Variants in HECW2 observed in about 807,000 individuals in gnomAD.
The protein encoded by HECW2 is HECT, C2 and WW domain containing E3 ubiquitin protein ligase 2.
A neutral mutation model predicts 175.2 loss-of-function variants in HECW2; 61 were observed. That is an observed-to-expected ratio of 0.35 (90% CI 0.28 to 0.43). The LOEUF (loss-of-function observed/expected upper bound fraction) is 0.43, where lower values mean the gene tolerates loss of function less well. Ranked by LOEUF, HECW2 falls within the 20% of genes least tolerant of loss-of-function variation. The pLI is 1.00. For missense variants in HECW2, 1,524 were observed against 2,000.5 expected (o/e 0.76, Z 4.54); for synonymous variants, 671 against 731.0 (o/e 0.92, Z 1.32).
intron 3 of HECW2, among the ~76,000 whole-genome samples, chr2:196,342,097 T>TA (rs1399391211): frequency 1.3e-5 from 2 of 149,948 alleles, no homozygotes; most frequent in Admixed American, 6.6e-5. Context: ...AAAAAGCCCA[T>TA]TTTTTTTTCT....
intron 2 of HECW2, among the ~76,000 whole-genome samples, chr2:196,372,412 G>C (rs954688824): frequency 6.6e-6 from 1 of 152,244 alleles, no homozygotes; most frequent in East Asian, 1.9e-4. Context: ...CTGCTTCCTG[G>C]TTGATAATAT....
chr2:196,462,147 A>C (rs1396990048), intron 1 of HECW2, among the ~76,000 whole-genome samples: 1 of 152,124 alleles, frequency 6.6e-6, no homozygotes, highest in Non-Finnish European at 1.5e-5. Flanking sequence ...GAAAGGCAAA[A>C]ATTTTATAAA....
chr2:196,516,997 T>G (rs1688174560), intron 1 of HECW2, among the ~76,000 whole-genome samples: 1 of 152,206 alleles, frequency 6.6e-6, no homozygotes, highest in Admixed American at 6.5e-5. Context: ...AAATCTGTTT[T>G]ATAGGTCTAG....
chr2:196,590,203 A>T (rs1347018955), intron 1 of HECW2, among the ~76,000 whole-genome samples: 1 of 152,140 alleles, frequency 6.6e-6, no homozygotes, highest in Non-Finnish European at 1.5e-5. Context: ...GGTGCTTTTG[A>T]TAATTAAGAT....
At chr2:196,398,026 G>C (rs1575500036) in intron 2 of HECW2, among the ~76,000 whole-genome samples, 1 of 151,770 alleles carries the variant, frequency 6.6e-6, no homozygotes, top group East Asian at 1.9e-4. Context: ...TTTATAATAA[G>C]AGGTAGGTGG....
intron 1 of HECW2, among the ~76,000 whole-genome samples, chr2:196,541,270 A>T (rs1166616289): frequency 6.6e-6 from 1 of 152,120 alleles, no homozygotes; most frequent in Admixed American, 6.5e-5. Flanking sequence ...ATAATTATGT[A>T]ACATAATTAA....
chr2:196,443,350 G>A (rs1452960789), intron 1 of HECW2, among the ~76,000 whole-genome samples: 2 of 152,182 alleles, frequency 1.3e-5, no homozygotes, highest in African/African-American at 2.4e-5. Flanking sequence ...TGTGTAACGA[G>A]AAGCATATAG....
chr2:196,325,167 GA>G lies in HECW2; in HGVS notation c.572-19del. 1 of 1,557,184 alleles carries G rather than the reference GA, an allele frequency of 6.4e-7. No homozygotes were observed. The highest frequency in any genetic ancestry group is 8.7e-7 in the Non-Finnish European group (1 of 1,151,348). On this transcript the variant is annotated intron_variant, in intron 5 of 28. Coordinates refer to ENST00000644978, the MANE Select transcript of HECW2 (RefSeq NM_001348768.2). ...CCTAAGATCTTTAAAGAAAGAGGGA[GA>G]AGGAGGGAGGGACAAAGAGAAAGCA...
chr2:196,354,819 T>A (rs1310815787), intron 2 of HECW2, among the ~76,000 whole-genome samples: 2 of 152,232 alleles, frequency 1.3e-5, no homozygotes, highest in African/African-American at 4.8e-5. Flanking sequence ...GATGTGACAT[T>A]CAACTTTGTT....
intron 19 of HECW2, among the ~76,000 whole-genome samples, chr2:196,248,426 A>C (rs2105900548): frequency 6.6e-6 from 1 of 151,886 alleles, no homozygotes; most frequent in South Asian, 2.1e-4. Flanking sequence ...ATCCCTACCC[A>C]CCCAGGGAGC....
At chr2:196,234,128 G>A (rs1296330903) in intron 21 of HECW2, among the ~76,000 whole-genome samples, 2 of 152,096 alleles carry the variant, frequency 1.3e-5, no homozygotes, top group Admixed American at 6.5e-5. Flanking sequence ...CTTAAGAAAG[G>A]TGCCTTTTAC....
chr2:196,451,428 T>G (rs1234734209), intron 1 of HECW2, among the ~76,000 whole-genome samples: 1 of 129,536 alleles, frequency 7.7e-6, no homozygotes, highest in African/African-American at 3.2e-5. Context: ...CGAGACTCCG[T>G]CTCAAAAAAA....
intron 14 of HECW2, among the ~76,000 whole-genome samples, chr2:196,281,236 G>A (rs920276272): frequency 1.3e-5 from 1 of 75,246 alleles, no homozygotes; most frequent in Non-Finnish European, 2.9e-5. Context: ...AGCTTTTAGG[G>A]CTGTGCCTGG....
At chr2:196,339,077 G>T (rs575329505) in intron 3 of HECW2, among the ~76,000 whole-genome samples, 2 of 152,188 alleles carry the variant, frequency 1.3e-5, no homozygotes, top group African/African-American at 4.8e-5. Context: ...AATAGGACTA[G>T]AGAACTAACT....
chr2:196,503,989 G>A (rs972918695), intron 1 of HECW2, among the ~76,000 whole-genome samples: 8 of 151,984 alleles, frequency 5.3e-5, no homozygotes, highest in East Asian at 3.9e-4. Context: ...ATCCAACGCC[G>A]ACTTCATTAA....
chr2:196,357,665 T>C (rs1362405687), intron 2 of HECW2, among the ~76,000 whole-genome samples: 1 of 152,138 alleles, frequency 6.6e-6, no homozygotes, highest in African/African-American at 2.4e-5. Flanking sequence ...GGACTTGTAA[T>C]CCCCACATGT....
At chr2:196,401,802 T>C (rs1694823819) in intron 2 of HECW2, among the ~76,000 whole-genome samples, 1 of 152,232 alleles carries the variant, frequency 6.6e-6, no homozygotes, top group South Asian at 2.1e-4. Flanking sequence ...TTCACCAATA[T>C]GATTTCCAAT....
chr2:196,195,919 A>G lies in HECW2; in HGVS notation c.*5358T>C, dbSNP rs528414425. ...AAGTTATAAAATGAGGGTATTTCCC[A>G]TCTAGTAGATCAAACTGTGCCTTCA... On this transcript the variant is annotated 3_prime_UTR_variant, in exon 29 of 29. Coordinates refer to ENST00000644978, the MANE Select transcript of HECW2 (RefSeq NM_001348768.2). 10 of 152,312 alleles carry G rather than the reference A, an allele frequency of 6.6e-5. No homozygotes were observed. Among genetic ancestry groups the G allele is most frequent in the Non-Finnish European group, 1.3e-4 (9 of 68,022 alleles). 9.4% of individuals were successfully genotyped at this position (152,312 alleles called of 1,614,324 possible). A position where few individuals can be genotyped will look rare whatever the true frequency, so the allele number is the denominator to read the frequency against.
intron 17 of HECW2, among the ~76,000 whole-genome samples, chr2:196,267,439 T>C (rs1280649436): frequency 6.6e-6 from 1 of 152,118 alleles, no homozygotes; most frequent in Non-Finnish European, 1.5e-5. Context: ...TAGCATATAA[T>C]AATGCCATGG....
Sources: allele counts gnomAD v4.1 joint callset (sites outside exome capture counted in the v4.1 genomes callset), GRCh38; gene constraint gnomAD v4.1.1; transcripts MANE v1.5; gene names NCBI Gene and HGNC (gene_info 2026-07-23, HGNC 2026-07-21).